Variants in AGBL1 observed in about 807,000 individuals in gnomAD.
AGBL1 encodes cytosolic carboxypeptidase 4.
AGBL1 carries 130 observed loss-of-function variants against 118.9 expected under a neutral mutation model. The ratio of observed to expected loss-of-function variants is 1.09; its 90% confidence interval spans 0.95 to 1.26. AGBL1 has a LOEUF of 1.26. Among genes scored for constraint, AGBL1 ranks in the 50% most tolerant of loss-of-function variants. The pLI is 0.00. For synonymous variants in AGBL1, 555 were observed against 478.9 expected (o/e 1.16, Z -2.08); for missense variants, 1,584 against 1,298.1 (o/e 1.22, Z -3.38).
chr15:86,178,054 C>G (rs2077504788), intron 5 of AGBL1, among the ~76,000 whole-genome samples: 1 of 152,170 alleles, frequency 6.6e-6, no homozygotes, highest in Non-Finnish European at 1.5e-5. Flanking sequence ...TGGTTCACAC[C>G]TGTAATCCCA....
intron 9 of AGBL1, 150 bp downstream of exon 9, chr15:86,258,181 T>G: frequency 6.9e-6 from 5 of 722,902 alleles, no homozygotes; most frequent in Non-Finnish European, 1.1e-5. Context: ...CAGTAAATGA[T>G]AGCTACTGTT....
chr15:86,339,278 TTTTC>T lies in AGBL1; in HGVS notation c.2374+43874_2374+43877del, dbSNP rs752747445. On this transcript the variant is annotated intron_variant, in intron 17 of 22. Transcript: ENST00000614907. ...CATTTCTTGTTGTCTTCAAGAACTT[TTTTC>T]TTTATTTTTCAAAATGTAATTATAA... Among the ~76,000 whole-genome samples, 390 of 152,322 alleles carry T rather than the reference TTTTC, an allele frequency of 2.6e-3. 1 individual carries two copies. The highest frequency in any genetic ancestry group is 4.6e-3 in the Non-Finnish European group (311 of 68,040).
intron 17 of AGBL1, among the ~76,000 whole-genome samples, chr15:86,309,893 T>C (rs1019171867): frequency 6.6e-6 from 1 of 152,228 alleles, no homozygotes; most frequent in Non-Finnish European, 1.5e-5. Context: ...TAATTTTCTT[T>C]TCTTATAATA....
intron 23 of AGBL1, among the ~76,000 whole-genome samples, chr15:86,955,012 C>G (rs894656940): frequency 7.2e-5 from 11 of 152,082 alleles, no homozygotes; most frequent in African/African-American, 2.7e-4. Flanking sequence ...CATAACTTCT[C>G]ATACAGTATA....
At chr15:86,589,513 C>G (rs1427681595) in intron 21 of AGBL1, among the ~76,000 whole-genome samples, 1 of 152,094 alleles carries the variant, frequency 6.6e-6, no homozygotes, top group Admixed American at 6.5e-5. Flanking sequence ...TATAGAAATT[C>G]TAATTACTTA....
intron 17 of AGBL1, among the ~76,000 whole-genome samples, chr15:86,375,102 C>G (rs2081023798): frequency 6.6e-6 from 1 of 152,152 alleles, no homozygotes; most frequent in Non-Finnish European, 1.5e-5. Flanking sequence ...TGGTCAGACC[C>G]AAGGCAGCCT....
At chr15:86,213,661 C>G (rs1955914007) in intron 5 of AGBL1, among the ~76,000 whole-genome samples, 1 of 152,108 alleles carries the variant, frequency 6.6e-6, no homozygotes, top group South Asian at 2.1e-4. Flanking sequence ...CACACTGTAC[C>G]CCTCTTTCCC....
intron 5 of AGBL1, among the ~76,000 whole-genome samples, chr15:86,222,276 T>C (rs986587564): frequency 6.6e-6 from 1 of 152,208 alleles, no homozygotes; most frequent in Non-Finnish European, 1.5e-5. Context: ...CAGTTTCATG[T>C]AGCCTTCTGT....
chr15:86,667,297 C>T (rs929749314), intron 21 of AGBL1, among the ~76,000 whole-genome samples: 29 of 150,730 alleles, frequency 1.9e-4, no homozygotes, highest in African/African-American at 6.8e-4. Flanking sequence ...TGGCTTGCTG[C>T]CCTGTTTATA....
chr15:86,305,817 G>A (rs1423083146), intron 17 of AGBL1, among the ~76,000 whole-genome samples: 4 of 151,992 alleles, frequency 2.6e-5, no homozygotes, highest in Non-Finnish European at 4.4e-5. Flanking sequence ...GACAATTGAA[G>A]TCTGTGACTT....
chr15:86,297,948 T>C (rs1567185395), intron 17 of AGBL1, among the ~76,000 whole-genome samples: 1 of 152,164 alleles, frequency 6.6e-6, no homozygotes, highest in Non-Finnish European at 1.5e-5. Context: ...AATTATTAGA[T>C]ACTAGCTGAG....
chr15:86,184,429 C>CTTTTTTTTTTTTTTTTTT (rs199807402), intron 5 of AGBL1, among the ~76,000 whole-genome samples: 2 of 144,452 alleles, frequency 1.4e-5, no homozygotes, highest in African/African-American at 2.5e-5. Context: ...TTTCTTTTTT[C>CTTTTTTTTTTTTTTTTTT]TTTCTTTTTT....
intron 23 of AGBL1, among the ~76,000 whole-genome samples, chr15:86,954,674 G>A (rs2080913040): frequency 6.6e-6 from 1 of 152,080 alleles, no homozygotes; most frequent in Non-Finnish European, 1.5e-5. Flanking sequence ...AGGAGAGCAT[G>A]GTTAGAAAAA....
chr15:86,961,115 T>C (rs562067815), intron 23 of AGBL1, among the ~76,000 whole-genome samples: 1 of 152,196 alleles, frequency 6.6e-6, no homozygotes, highest in East Asian at 1.9e-4. Flanking sequence ...AGACAAATGG[T>C]AACTATGTGA....
chr15:86,680,847 G>A (rs549958452), intron 22 of AGBL1, among the ~76,000 whole-genome samples: 2 of 151,824 alleles, frequency 1.3e-5, no homozygotes. Context: ...GATTACAGGC[G>A]TGAGCCACTG....
intron 1 of AGBL1, among the ~76,000 whole-genome samples, chr15:86,096,983 G>A (rs1896418185): frequency 6.6e-6 from 1 of 152,084 alleles, no homozygotes; most frequent in South Asian, 2.1e-4. Flanking sequence ...CTAAAACATT[G>A]TCCTTCTTGT....
intron 18 of AGBL1, among the ~76,000 whole-genome samples, chr15:86,507,050 A>G (rs2082986146): frequency 6.6e-6 from 1 of 152,112 alleles, no homozygotes; most frequent in South Asian, 2.1e-4. Flanking sequence ...AGACCTAACT[A>G]TAAAGATGTT....
chr15:86,543,959 T>C (rs1344492338), intron 19 of AGBL1, among the ~76,000 whole-genome samples: 3 of 152,192 alleles, frequency 2.0e-5, no homozygotes, highest in Non-Finnish European at 4.4e-5. Context: ...ATAGAAACTA[T>C]AATGGAATTT....
In AGBL1 at chr15:87,028,824, G is replaced by C. The variant is rs571379827; in HGVS notation, c.3324-1G>C. ...TTAATATATTTCTTATTCCTTCTCAGAGTTTGTGACACTTGATGAGGCTCC... is the reference window on the plus strand; with the variant it reads ...TTAATATATTTCTTATTCCTTCTCACAGTTTGTGACACTTGATGAGGCTCC... On this transcript the variant is annotated splice_acceptor_variant, in intron 24 of 24. Coordinates refer to the AGBL1 transcript ENST00000441037. LOFTEE classifies it high-confidence loss of function. 6.2e-7 allele frequency: 1 copy of C among 1,606,064 alleles called. No homozygotes were observed. Among genetic ancestry groups the C allele is most frequent in the East Asian group, 2.2e-5 (1 of 44,704 alleles).
Sources: gnomAD v4.1 joint callset for allele counts (sites outside exome capture counted in the v4.1 genomes callset) on GRCh38, gnomAD v4.1.1 for gene constraint, MANE v1.5 for transcripts, NCBI Gene and HGNC (gene_info 2026-07-23, HGNC 2026-07-21) for gene names.